HEATR5B: variants seen among roughly 807,000 people sequenced by gnomAD.
HEATR5B encodes the protein HEAT repeat-containing protein 5B.
In HEATR5B, 156 loss-of-function variants were observed where a neutral mutation model predicts 224.1. The observed-to-expected ratio is 0.70, with a 90% CI of 0.61 to 0.80. The LOEUF (loss-of-function observed/expected upper bound fraction) is 0.80, where lower values mean the gene tolerates loss of function less well. Among genes scored for constraint, HEATR5B ranks in the 30% least tolerant of loss-of-function variants. The pLI is 0.00. For missense variants in HEATR5B, 2,323 were observed against 2,535.5 expected (o/e 0.92, Z 1.80); for synonymous variants, 1,027 against 893.0 (o/e 1.15, Z -2.68).
chr2:36,996,338 C>T (rs534644695), intron 33 of HEATR5B, among the ~76,000 whole-genome samples: 3 of 151,994 alleles, frequency 2.0e-5, no homozygotes, highest in Non-Finnish European at 2.9e-5. Flanking sequence ...GGATTACAGG[C>T]GTGAGCCAAT....
rs1254044810 is a variant in HEATR5B at position 37,028,807 on chromosome 2, G to A, written c.3475C>T (p.Arg1159Trp). 7 of 1,613,824 alleles carry A rather than the reference G, an allele frequency of 4.3e-6. No individual in the cohort carries two copies. In the Admixed American group the frequency reaches 5.0e-5, roughly 12 times the overall value. The change falls in exon 23 of 36, where the codon CGG becomes TGG. Residue 1159 changes from arginine to tryptophan, a missense_variant. Physicochemically the swap from Arg to Trp is moderately radical, Grantham distance 101 (BLOSUM62 -3). Transcript: ENST00000233099. ...LEGLLFGMLD[R>W]ETDRKLCSDI... The stretch of plus-strand genomic sequence containing the variant: ...GAACATAATTTTCGATCTGTCTCCC[G>A]GTCTAGCATTCCAAAAAGAAGTCCC...
At chr2:36,988,141 G>GA (rs534046896) in intron 35 of HEATR5B, among the ~76,000 whole-genome samples, 74 of 143,990 alleles carry the variant, frequency 5.1e-4, no homozygotes, top group Admixed American at 2.1e-3. Context: ...TACATTCCTA[G>GA]AAAAAAAAAA....
At chr2:37,065,132 A>G (rs1366235111) in intron 9 of HEATR5B, 142 bp from the exon 10 acceptor site, 2 of 717,954 alleles carry the variant, frequency 2.8e-6, no homozygotes, top group African/African-American at 1.8e-5. Flanking sequence ...CTAAAACTAC[A>G]TACAGTAGAG....
rs776424573 is a variant in HEATR5B, at chr2:37,028,927, G to A, written c.3362-7C>T. On this transcript the variant is annotated splice_region_variant and splice_polypyrimidine_tract_variant and intron_variant, in intron 22 of 35. Coordinates refer to ENST00000233099, the MANE Select transcript of HEATR5B (RefSeq NM_019024.3). ...GGGGCAAAAGGACTGACATCTGAAA[G>A]GTAATTTTTACAAATGAATTTGTAT... is the stretch of plus-strand genomic sequence containing the variant. 1.2e-6 allele frequency: 2 copies of A among 1,611,898 alleles called. No individual in the cohort carries two copies. The highest frequency in any genetic ancestry group is 1.7e-6 in the Non-Finnish European group (2 of 1,178,646).
In HEATR5B at chr2:37,083,382, T is replaced by C; in HGVS notation, c.33A>G (p.Glu11=). The change falls in exon 2 of 36, where the codon GAA becomes GAG. Residue 11 remains glutamate (E), a synonymous_variant. Coordinates refer to ENST00000233099, the MANE Select transcript of HEATR5B (RefSeq NM_019024.3). ...CTTCGGTGATTTGAGCCAAAGCTTC[T>C]TCATTTAGCAATAAACTGTGGGCTA... The part of the protein sequence containing the change: MELAHSLLLN[E]EALAQITEAK... The C allele has an allele frequency of 1.2e-6, 2 of 1,613,732 alleles. No individual in the cohort carries two copies. The highest frequency in any genetic ancestry group is 1.7e-6 in the Non-Finnish European group (2 of 1,179,610).
At chr2:37,026,311 G>A (rs1668770231) in intron 24 of HEATR5B, among the ~76,000 whole-genome samples, 1 of 152,200 alleles carries the variant, frequency 6.6e-6, no homozygotes, top group East Asian at 1.9e-4. Flanking sequence ...TGTTAGCCCA[G>A]CGAGACTCTT....
chr2:37,064,523 CAT>C (rs1389190325), intron 10 of HEATR5B, among the ~76,000 whole-genome samples: 3 of 151,868 alleles, frequency 2.0e-5, no homozygotes, highest in Non-Finnish European at 4.4e-5. Context: ...TAAATTATAA[CAT>C]GTTACTAGAC....
chr2:37,041,068 T>G, intron 19 of HEATR5B, 65 bp downstream of exon 19: 1 of 1,318,482 alleles, frequency 7.6e-7, no homozygotes, highest in Non-Finnish European at 1.1e-6. Flanking sequence ...TTTTATTTCA[T>G]AGAGCAAATA....
intron 18 of HEATR5B, among the ~76,000 whole-genome samples, chr2:37,045,974 C>T (rs762827866): frequency 6.6e-6 from 1 of 152,174 alleles, no homozygotes; most frequent in Non-Finnish European, 1.5e-5. Flanking sequence ...TATTCCACCA[C>T]TAATGGCAGT....
chr2:37,030,962 TG>T (rs1669091517), intron 22 of HEATR5B, among the ~76,000 whole-genome samples: 1 of 152,352 alleles, frequency 6.6e-6, no homozygotes, highest in South Asian at 2.1e-4. Context: ...TGGCTTCTGT[TG>T]AACATCTGCT....
intron 24 of HEATR5B, 107 bp downstream of exon 24, chr2:37,027,816 G>T: frequency 9.1e-7 from 1 of 1,104,636 alleles, no homozygotes; most frequent in Non-Finnish European, 1.3e-6. Flanking sequence ...TAAATAAATG[G>T]CATATTCTAA....
chr2:37,031,797 TA>T (rs972899339), intron 22 of HEATR5B, among the ~76,000 whole-genome samples: 1 of 152,160 alleles, frequency 6.6e-6, no homozygotes, highest in African/African-American at 2.4e-5. Context: ...CTTTTATAAG[TA>T]AAAAATTTCC....
rs1483253498 is a variant in HEATR5B, at chr2:37,005,753, C to G, written c.4784G>C (p.Ser1595Thr). 1 of 1,585,306 alleles carries G rather than the reference C, an allele frequency of 6.3e-7. No homozygotes were observed. Among genetic ancestry groups the G allele is most frequent in the African/African-American group, 1.4e-5 (1 of 73,162 alleles). ...TCTAGGGGAACAAAGAAACTGTATA[C>G]TCACACCTGAAATGCACAAAATAAA... ...KDRMHLILGVSIQFLCSPRPE... is the reference protein window; with the variant it reads ...KDRMHLILGVTIQFLCSPRPE... Residue 1595 changes from serine to threonine, a missense_variant, in exon 30 of 36, where the codon AGT (serine) becomes ACT (threonine). Coordinates refer to ENST00000233099, the MANE Select transcript of HEATR5B (RefSeq NM_019024.3).
At chr2:37,079,757 C>A (rs966742361) in intron 2 of HEATR5B, among the ~76,000 whole-genome samples, 4 of 151,980 alleles carry the variant, frequency 2.6e-5, no homozygotes, top group Admixed American at 2.6e-4. Flanking sequence ...ACTGAAGAGC[C>A]CTAGACAACA....
In HEATR5B at chr2:37,049,850, T is replaced by TAA. The variant is rs60184195; in HGVS notation, c.2506-9_2506-8dup. ...TTTTGTTTTCAGCTAAGCCCTACAT[T>TAA]AAAAAAAAAAAAAAAAAAAAGACAG... On this transcript the variant is annotated splice_polypyrimidine_tract_variant and splice_region_variant and intron_variant, in intron 17 of 35. Transcript: ENST00000233099. The TAA allele has an allele frequency of 0.02, 20,084 of 987,830 alleles. 25 individuals carry two copies. Among genetic ancestry groups the TAA allele is most frequent in the East Asian group, 0.063 (1,083 of 17,066 alleles). The allele number at this position is 987,830 out of a possible 1,614,324, so 61.2% of individuals were successfully genotyped here.
intron 34 of HEATR5B, among the ~76,000 whole-genome samples, chr2:36,989,653 A>G (rs927077780): frequency 2.0e-5 from 3 of 152,302 alleles, no homozygotes; most frequent in South Asian, 2.1e-4. Flanking sequence ...TTTGTATTAG[A>G]AAGGCTTCAG....
chr2:37,027,886 A>G (rs1184752367), intron 24 of HEATR5B, 37 bp downstream of exon 24: 1 of 1,603,276 alleles, frequency 6.2e-7, no homozygotes, highest in Admixed American at 1.7e-5. Context: ...CAAGGTGTAA[A>G]AATGCTTTGG....
chr2:37,065,970 G>A, intron 8 of HEATR5B, 60 bp from the exon 9 acceptor site: 1 of 1,495,652 alleles, frequency 6.7e-7, no homozygotes, highest in Non-Finnish European at 9.1e-7. Flanking sequence ...TGATTTTTTT[G>A]GTCTATACAA....
At chr2:36,998,174 A>C (rs1666853224) in intron 33 of HEATR5B, among the ~76,000 whole-genome samples, 1 of 152,228 alleles carries the variant, frequency 6.6e-6, no homozygotes, top group African/African-American at 2.4e-5. Context: ...ATCCTTCTTT[A>C]CTATTCTTTG....
Sources: allele counts gnomAD v4.1 joint callset (sites outside exome capture counted in the v4.1 genomes callset), GRCh38; gene constraint gnomAD v4.1.1; transcripts MANE v1.5; gene names NCBI Gene and HGNC (gene_info 2026-07-23, HGNC 2026-07-21).